The following ONECUT1 variants were observed in gnomAD, a reference collection of about 807,000 sequenced individuals.
ONECUT1 encodes the protein one cut homeobox 1, also known as hepatocyte nuclear factor 6.
ONECUT1 carries 12 observed loss-of-function variants against 25.6 expected under a neutral mutation model. The observed-to-expected ratio is 0.47, with a 90% confidence interval of 0.30 to 0.76. The LOEUF (loss-of-function observed/expected upper bound fraction) is 0.76, where lower values mean the gene tolerates loss of function less well. Among genes scored for constraint, ONECUT1 ranks in the 30% least tolerant of loss-of-function variants. The pLI is 0.07. For synonymous variants in ONECUT1, 285 were observed against 270.2 expected, an observed-to-expected ratio of 1.05 and a Z score of -0.54; for missense variants, 620 against 651.2, an observed-to-expected ratio of 0.95 and a Z score of 0.52.
At chr15:52,759,924 A>T (rs2083696211) in intron 1 of ONECUT1, among the ~76,000 whole-genome samples, 1 of 152,170 alleles carries the variant, frequency 6.6e-6, no homozygotes. Context: ...TTAAAGGGAT[A>T]CAATAAAAAT....
rs756805415 is a variant in ONECUT1, at chr15:52,757,833, C to T, written c.1120G>A (p.Glu374Lys). The part of the protein sequence containing the change: ...ALRLAACKRK[E>K]QEHGKDRGNT... ...CCTCTATCCTTCCCATGTTCTTGTT[C>T]TTTCCTTTTGCATGCTGTGAAGAAA... is the stretch of plus-strand genomic sequence containing the variant. Residue 374 changes from glutamate to lysine, a missense_variant, in exon 2 of 2, where the codon GAA becomes AAA. Glu to Lys is a moderately conservative substitution (Grantham distance 56). Coordinates refer to ENST00000305901, the MANE Select transcript of ONECUT1 (RefSeq NM_004498.4). The T allele has an allele frequency of 7.4e-6, 12 of 1,613,186 alleles. No individual in the cohort carries two copies.
intron 1 of ONECUT1, among the ~76,000 whole-genome samples, chr15:52,758,538 T>C (rs552082687): frequency 6.6e-6 from 1 of 152,300 alleles, no homozygotes; most frequent in South Asian, 2.1e-4. Context: ...ACCGCTCTTC[T>C]TCGACATTGA....
rs532352990 is a variant in ONECUT1 at position 52,779,657 on chromosome 15, G to A, written c.1105+9123C>T. On this transcript the variant is annotated intron_variant, in intron 1 of 1. Transcript: ENST00000305901. ...GGTGCCTCCTTAAAAAGCCATTTTT[G>A]TAAGGAAAACTTTAAATTCATTAAA... 6.6e-5 allele frequency among the ~76,000 whole-genome samples: 10 copies of A among 152,194 alleles called. No homozygotes were observed. The South Asian group carries it at 2.1e-3, about 32-fold the overall frequency.
At chr15:52,759,731 C>T (rs2083694533) in intron 1 of ONECUT1, among the ~76,000 whole-genome samples, 1 of 151,948 alleles carries the variant, frequency 6.6e-6, no homozygotes, top group African/African-American at 2.4e-5. Flanking sequence ...TCTGGAGTAG[C>T]TGGCACTACA....
intron 1 of ONECUT1, among the ~76,000 whole-genome samples, chr15:52,783,927 T>C (rs776224696): frequency 6.6e-5 from 10 of 152,198 alleles, no homozygotes; most frequent in Non-Finnish European, 1.5e-4. Context: ...TAGATATCCT[T>C]CTCTTCCTCC....
At chr15:52,770,535 G>C (rs536290093) in intron 1 of ONECUT1, among the ~76,000 whole-genome samples, 10 of 152,230 alleles carry the variant, frequency 6.6e-5, no homozygotes, top group Non-Finnish European at 1.0e-4. Flanking sequence ...TGAGAGTCCC[G>C]AGCGTGAACT....
chr15:52,767,084 C>G (rs983812559), intron 1 of ONECUT1, among the ~76,000 whole-genome samples: 2 of 152,018 alleles, frequency 1.3e-5, no homozygotes. Context: ...TATTCTCTCT[C>G]TAGTTGACGA....
chr15:52,757,448 C>T lies in ONECUT1; in HGVS notation c.*107G>A. 4.8e-6 allele frequency: 6 copies of T among 1,256,082 alleles called. No individual in the cohort carries two copies. Among genetic ancestry groups the T allele is most frequent in the African/African-American group, 4.5e-5 (3 of 66,082 alleles). The allele number at this position is 1,256,082 out of a possible 1,614,324, so 77.8% of individuals were successfully genotyped here. On this transcript the variant is annotated 3_prime_UTR_variant, in exon 2 of 2. Transcript: ENST00000305901. ...TGGACTATAAATAACGCTTTTTTTTCTTCAAATATTTCTAAGTATAAACCT... is the reference window on the plus strand; with the variant it reads ...TGGACTATAAATAACGCTTTTTTTTTTTCAAATATTTCTAAGTATAAACCT...
intron 1 of ONECUT1, among the ~76,000 whole-genome samples, chr15:52,766,965 T>C (rs2083738216): frequency 6.6e-6 from 1 of 152,216 alleles, no homozygotes; most frequent in Non-Finnish European, 1.5e-5. Flanking sequence ...ATGGGAACCC[T>C]GGACAAGGTT....
At chr15:52,781,085 G>A (rs919021705) in intron 1 of ONECUT1, 24 of 170,526 alleles carry the variant, frequency 1.4e-4, no homozygotes, top group Non-Finnish European at 2.5e-4. Context: ...CTGATGTGGA[G>A]CCAAGAAGTG....
intron 1 of ONECUT1, among the ~76,000 whole-genome samples, chr15:52,769,406 A>G (rs1385614085): frequency 6.6e-6 from 1 of 152,242 alleles, no homozygotes; most frequent in African/African-American, 2.4e-5. Flanking sequence ...CATAGAATGA[A>G]GTTCCATGAG....
At chr15:52,762,184 AT>A (rs1291439962) in intron 1 of ONECUT1, among the ~76,000 whole-genome samples, 2 of 152,218 alleles carry the variant, frequency 1.3e-5, no homozygotes, top group Admixed American at 6.5e-5. Flanking sequence ...GCCAGATTGT[AT>A]GTTTGAATGA....
chr15:52,777,737 C>A (rs78935952), intron 1 of ONECUT1, among the ~76,000 whole-genome samples: 14,927 of 100,730 alleles, frequency 0.15, 1,783 homozygotes, highest in East Asian at 0.42. Context: ...CACACACACA[C>A]AAAAAAACAT....
chr15:52,771,455 G>T (rs942544995), intron 1 of ONECUT1, among the ~76,000 whole-genome samples: 1 of 151,596 alleles, frequency 6.6e-6, no homozygotes, highest in Non-Finnish European at 1.5e-5. Context: ...GTGTGTGTGT[G>T]TGTGTGTGTG....
At chr15:52,760,962 G>A (rs1378078557) in intron 1 of ONECUT1, among the ~76,000 whole-genome samples, 1 of 102,956 alleles carries the variant, frequency 9.7e-6, no homozygotes. Context: ...TGCTGGAAGG[G>A]TTGGTGACAG....
chr15:52,782,389 A>G (rs2083847000), intron 1 of ONECUT1, among the ~76,000 whole-genome samples: 1 of 152,232 alleles, frequency 6.6e-6, no homozygotes, highest in South Asian at 2.1e-4. Context: ...CGTTAGTATT[A>G]ACATACTTGT....
Position 52,757,580 on chromosome 15 carries a change from G to A in ONECUT1, c.1373C>T (p.Ser458Leu). 1 of 1,613,794 alleles carries A rather than the reference G, an allele frequency of 6.2e-7. No homozygotes were observed. The highest frequency in any genetic ancestry group is 8.5e-7 in the Non-Finnish European group (1 of 1,179,788). ...TCATGCTTTGGTACAAGTGCTTGAT[G>A]AAGAAGATGAGTTGCCTGAATTGGA... Reference protein sequence around the residue: ...GSSNSGNSSSSSSTCTKA With the variant: ...GSSNSGNSSSLSSTCTKA The change falls in exon 2 of 2, where the codon TCA becomes TTA. Residue 458 changes from serine (S) to leucine (L), a missense_variant. Physicochemically the swap from Ser to Leu is moderately radical, Grantham distance 145. Transcript: ENST00000305901.
chr15:52,785,340 G>A (rs1399574247), intron 1 of ONECUT1, among the ~76,000 whole-genome samples: 4 of 152,202 alleles, frequency 2.6e-5, no homozygotes, highest in African/African-American at 4.8e-5. Flanking sequence ...GCCGCCCCCC[G>A]ACCGAACCCC....
intron 1 of ONECUT1, among the ~76,000 whole-genome samples, chr15:52,783,720 C>A (rs1250191174): frequency 6.6e-6 from 1 of 152,250 alleles, no homozygotes; most frequent in African/African-American, 2.4e-5. Flanking sequence ...GACTTCGGAC[C>A]GCCAGGGTCA....
Sources: allele counts gnomAD v4.1 joint callset (sites outside exome capture counted in the v4.1 genomes callset), GRCh38; gene constraint gnomAD v4.1.1; transcripts MANE v1.5; gene names NCBI Gene and HGNC (gene_info 2026-07-23, HGNC 2026-07-21).